The following PIEZO2 variants were observed in gnomAD, a reference collection of about 807,000 sequenced individuals.
The protein encoded by PIEZO2 is piezo type mechanosensitive ion channel component 2, also known as piezo-type mechanosensitive ion channel component 2.
Under a neutral mutation model 337.3 loss-of-function variants are expected in PIEZO2, and 172 were observed. The ratio of observed to expected loss-of-function variants is 0.51; its 90% CI spans 0.45 to 0.58. PIEZO2 has a LOEUF of 0.58. PIEZO2 is among the 20% of genes least tolerant of loss of function. The probability of loss-of-function intolerance (pLI) is 0.00; values close to 1 mark genes in which losing one functional copy is unlikely to be tolerated. For synonymous variants in PIEZO2, 1,251 were observed against 1,228.5 expected, an observed-to-expected ratio of 1.02 and a Z score of -0.38; for missense variants, 3,028 against 3,391.3, an observed-to-expected ratio of 0.89 and a Z score of 2.66.
At chr18:10,995,077 CAAAAAA>C (rs767666232) in intron 2 of PIEZO2, among the ~76,000 whole-genome samples, 4 of 28,308 alleles carry the variant, frequency 1.4e-4, no homozygotes, top group African/African-American at 5.6e-4. Context: ...GACTCCGTCT[CAAAAAA>C]AAAAAAAAAA....
chr18:11,054,336 G>A (rs185308970), intron 2 of PIEZO2, among the ~76,000 whole-genome samples: 1 of 152,268 alleles, frequency 6.6e-6, no homozygotes, highest in Admixed American at 6.5e-5. Flanking sequence ...GATATCCTAA[G>A]CTTCTGTCTC....
At chr18:10,925,051 C>T (rs2031646093) in intron 3 of PIEZO2, among the ~76,000 whole-genome samples, 2 of 152,118 alleles carry the variant, frequency 1.3e-5, no homozygotes, top group South Asian at 4.2e-4. Flanking sequence ...GACAAAAGAC[C>T]ATAATGTTTA....
chr18:11,110,167 C>T lies in PIEZO2; in HGVS notation c.64+38358G>A, dbSNP rs755286604. On this transcript the variant is annotated intron_variant, in intron 1 of 55. Coordinates refer to ENST00000674853, the MANE Select transcript of PIEZO2 (RefSeq NM_001378183.1). The surrounding 1 kb of genome is among the most constrained non-coding windows in gnomAD (Gnocchi z 4.2). ...AAAGACAGCATCTTACTCTATCACCCAGGCTGGAGTAAAGTGGTGTGATCA... is the reference window on the plus strand; with the variant it reads ...AAAGACAGCATCTTACTCTATCACCTAGGCTGGAGTAAAGTGGTGTGATCA... Among the ~76,000 whole-genome samples the T allele has an allele frequency of 1.7e-4, 26 of 152,118 alleles. No homozygotes were observed. The highest frequency in any genetic ancestry group is 5.2e-4 in the Admixed American group (8 of 15,280).
At chr18:10,829,604 A>G (rs558716576) in intron 7 of PIEZO2, among the ~76,000 whole-genome samples, 27 of 152,346 alleles carry the variant, frequency 1.8e-4, no homozygotes, top group Admixed American at 1.7e-3. Context: ...CAATAAACTT[A>G]CAGAATATAA....
intron 1 of PIEZO2, among the ~76,000 whole-genome samples, chr18:11,138,293 A>T (rs541597322): frequency 2.0e-5 from 3 of 152,136 alleles, no homozygotes; most frequent in Non-Finnish European, 2.9e-5. Context: ...TTGTTGTTGT[A>T]GTTTTGTTTG....
At chr18:10,975,548 C>T (rs2034410703) in intron 3 of PIEZO2, among the ~76,000 whole-genome samples, 1 of 151,946 alleles carries the variant, frequency 6.6e-6, no homozygotes, top group South Asian at 2.1e-4. Context: ...AACAGACCTG[C>T]CAACTAGTCA....
At chr18:10,791,721 C>G in intron 13 of PIEZO2, 1 of 153,120 alleles carries the variant, frequency 6.5e-6, no homozygotes. Flanking sequence ...ACTCCCTTGA[C>G]TGCAATGTTC....
At chr18:10,916,823 G>C (rs899030311) in intron 3 of PIEZO2, among the ~76,000 whole-genome samples, 1 of 152,198 alleles carries the variant, frequency 6.6e-6, no homozygotes, top group Non-Finnish European at 1.5e-5. Context: ...CTGCCAGCAC[G>C]CTGTCACCTC....
At chr18:10,705,242 T>C (rs984051338) in intron 41 of PIEZO2, 94 bp downstream of exon 41, 1 of 1,398,836 alleles carries the variant, frequency 7.1e-7, no homozygotes, top group African/African-American at 1.4e-5. Context: ...ATGAACTTTT[T>C]TCTATATATG....
Position 10,887,705 on chromosome 18 carries a change from C to T in PIEZO2, c.330-16290G>A, listed in dbSNP as rs149390343. Among the ~76,000 whole-genome samples, 1,141 of 152,284 alleles carry T rather than the reference C, an allele frequency of 7.5e-3. 11 individuals are homozygous for T. Among genetic ancestry groups the T allele is most frequent in the African/African-American group, 0.026 (1,067 of 41,560 alleles). On this transcript the variant is annotated intron_variant, in intron 4 of 55. Transcript: ENST00000674853. ...ATGTGTTGCATTCAGTTTTTTGTGT[C>T]TCACTAGTCTCCTTCATTCTGGGAC...
At position 10,962,976 on chromosome 18, in the gene PIEZO2, C is replaced by G. The variant is rs565971699; in HGVS notation, c.286+16559G>C. On this transcript the variant is annotated intron_variant, in intron 3 of 55. Transcript: ENST00000674853. The surrounding 1 kb of genome is among the most constrained non-coding windows in gnomAD (Gnocchi z 4.1). ...GGCTATACATATACCCAGAATCATT[C>G]CTCCTGTCAAAATTAAATAGAAATA... Among the ~76,000 whole-genome samples, 1 of 152,218 alleles carries G rather than the reference C, an allele frequency of 6.6e-6. No homozygotes were observed.
At chr18:10,994,359 G>A (rs537057015) in intron 2 of PIEZO2, among the ~76,000 whole-genome samples, 26 of 151,524 alleles carry the variant, frequency 1.7e-4, no homozygotes, top group African/African-American at 6.3e-4. Flanking sequence ...ATCCAGTAGT[G>A]GGATTATTGG....
chr18:10,983,993 C>A (rs143626189), intron 2 of PIEZO2, among the ~76,000 whole-genome samples: 1 of 152,258 alleles, frequency 6.6e-6, no homozygotes, highest in East Asian at 1.9e-4. Flanking sequence ...AAGAATGGAG[C>A]AGGTGCATCC....
chr18:10,950,806 T>G (rs1180719218), intron 3 of PIEZO2, among the ~76,000 whole-genome samples: 1 of 152,230 alleles, frequency 6.6e-6, no homozygotes, highest in Non-Finnish European at 1.5e-5. Context: ...CTGAGTTAGC[T>G]TCTGTCTCCC....
rs186724164 is a variant in PIEZO2, at chr18:11,036,730, T to A, written c.160+29397A>T. Reference sequence around the variant, plus strand: ...TGTTATGCGATAAATTTGGAGAAAGTATCATTAAAATCATAATAAAATTGA... The same window carrying A: ...TGTTATGCGATAAATTTGGAGAAAGAATCATTAAAATCATAATAAAATTGA... On this transcript the variant is annotated intron_variant, in intron 2 of 55. Transcript: ENST00000674853. Among the ~76,000 whole-genome samples the A allele has an allele frequency of 5.9e-5, 9 of 152,280 alleles. No individual in the cohort carries two copies. In the East Asian group the frequency reaches 1.3e-3, roughly 23 times the overall value.
intron 4 of PIEZO2, among the ~76,000 whole-genome samples, chr18:10,885,720 C>T (rs1040213177): frequency 6.6e-6 from 1 of 152,122 alleles, no homozygotes; most frequent in Non-Finnish European, 1.5e-5. Context: ...GTTATGTGAA[C>T]ATAAGGCAAG....
chr18:11,138,415 C>T (rs916922018), intron 1 of PIEZO2, among the ~76,000 whole-genome samples: 1 of 152,212 alleles, frequency 6.6e-6, no homozygotes, highest in Non-Finnish European at 1.5e-5. Flanking sequence ...CATGCCTCAG[C>T]CTCCCGAGTA....
At chr18:10,684,964 C>T (rs887852440) in intron 49 of PIEZO2, among the ~76,000 whole-genome samples, 3 of 152,160 alleles carry the variant, frequency 2.0e-5, no homozygotes, top group Non-Finnish European at 4.4e-5. Flanking sequence ...GGTAACTCAG[C>T]TCCTCACTGT....
intron 36 of PIEZO2, among the ~76,000 whole-genome samples, chr18:10,725,662 C>T (rs2036505621): frequency 6.6e-6 from 1 of 152,224 alleles, no homozygotes; most frequent in Non-Finnish European, 1.5e-5. Context: ...ACGCTCTGGG[C>T]TCGCCTTCAT....
Sources: gnomAD v4.1 joint callset for allele counts (sites outside exome capture counted in the v4.1 genomes callset) on GRCh38, gnomAD v4.1.1 for gene constraint, Gnocchi (gnomAD v3.1) non-coding constraint, MANE v1.5 for transcripts, NCBI Gene and HGNC (gene_info 2026-07-23, HGNC 2026-07-21) for gene names.